SLCO3A1: variants seen among roughly 807,000 people sequenced by gnomAD.
SLCO3A1 encodes the protein PGE1 transporter.
A neutral mutation model predicts 63.1 loss-of-function variants in SLCO3A1; 27 were observed. That is an observed-to-expected ratio of 0.43 (90% CI 0.32 to 0.59). The LOEUF is 0.59. SLCO3A1 is among the 20% of genes least tolerant of loss of function. The pLI is 0.09. For missense variants in SLCO3A1, 773 were observed against 945.8 expected, an observed-to-expected ratio of 0.82 and a Z score of 2.40; for synonymous variants, 473 against 409.9, an observed-to-expected ratio of 1.15 and a Z score of -1.86.
At chr15:92,092,196 C>G (rs533324028) in intron 2 of SLCO3A1, among the ~76,000 whole-genome samples, 19 of 152,288 alleles carry the variant, frequency 1.2e-4, no homozygotes, top group African/African-American at 4.6e-4. Context: ...AGTCTCGATG[C>G]AACCCCTTCA....
chr15:91,979,157 T>G (rs1901235896), intron 2 of SLCO3A1, among the ~76,000 whole-genome samples: 1 of 152,230 alleles, frequency 6.6e-6, no homozygotes, highest in South Asian at 2.1e-4. Flanking sequence ...TTAGTACCCC[T>G]TAGCCCCAAA....
At chr15:92,007,411 G>A (rs1438524286) in intron 2 of SLCO3A1, among the ~76,000 whole-genome samples, 4 of 152,144 alleles carry the variant, frequency 2.6e-5, no homozygotes, top group Admixed American at 2.6e-4. Flanking sequence ...ACGTTGAATC[G>A]GGGAAGACTG....
At chr15:92,078,966 G>T (rs1361214064) in intron 2 of SLCO3A1, among the ~76,000 whole-genome samples, 1 of 152,124 alleles carries the variant, frequency 6.6e-6, no homozygotes, top group Admixed American at 6.5e-5. Flanking sequence ...TCGAGCTTGC[G>T]CCCTGTGAGA....
At chr15:92,027,759 A>C (rs1261438004) in intron 2 of SLCO3A1, among the ~76,000 whole-genome samples, 1 of 152,254 alleles carries the variant, frequency 6.6e-6, no homozygotes, top group Non-Finnish European at 1.5e-5. Flanking sequence ...AGCAGTTTGC[A>C]CAGGCTGGAG....
rs965456756 is a variant in SLCO3A1 at position 91,950,139 on chromosome 15, A to G, written c.646+33681A>G. ...GGTTTTTAGGAGAAAGGCAGATTGA[A>G]GCTGCCCCTGGGGAAGAAAGTTGTA... is the stretch of plus-strand genomic sequence containing the variant. On this transcript the variant is annotated intron_variant, in intron 2 of 9. Coordinates refer to ENST00000318445, the MANE Select transcript of SLCO3A1 (RefSeq NM_013272.4). The surrounding 1 kb of genome is among the most constrained non-coding windows in gnomAD (Gnocchi z 4.4). 2.6e-5 allele frequency among the ~76,000 whole-genome samples: 4 copies of G among 152,246 alleles called. No homozygotes were observed. Among genetic ancestry groups the G allele is most frequent in the Non-Finnish European group, 5.9e-5 (4 of 68,044 alleles).
chr15:91,895,521 C>T (rs1424288956), intron 1 of SLCO3A1, among the ~76,000 whole-genome samples: 4 of 152,140 alleles, frequency 2.6e-5, no homozygotes, highest in South Asian at 2.1e-4. Context: ...GTTTTATTGA[C>T]GCAGGACTTC....
intron 2 of SLCO3A1, among the ~76,000 whole-genome samples, chr15:92,074,473 T>C (rs2047252574): frequency 1.3e-5 from 2 of 152,218 alleles, no homozygotes; most frequent in South Asian, 4.1e-4. Flanking sequence ...TCTCCAGTTC[T>C]GGTCTCAGGT....
intron 6 of SLCO3A1, 139 bp from the exon 7 acceptor site, chr15:92,128,212 G>A: frequency 9.6e-7 from 1 of 1,041,336 alleles, no homozygotes; most frequent in Non-Finnish European, 1.4e-6. Flanking sequence ...AAAGGAAAAG[G>A]GAAGGGAGAA....
At chr15:92,107,845 G>A (rs999774787) in intron 4 of SLCO3A1, among the ~76,000 whole-genome samples, 4 of 152,214 alleles carry the variant, frequency 2.6e-5, no homozygotes, top group African/African-American at 7.2e-5. Context: ...TTAAAATCCA[G>A]CTCAGTCGCT....
At chr15:92,012,742 TAAAAAAAAAAA>T (rs33945478) in intron 2 of SLCO3A1, among the ~76,000 whole-genome samples, 2 of 126,694 alleles carry the variant, frequency 1.6e-5, no homozygotes, top group African/African-American at 2.9e-5. Context: ...GTCTCTAATT[TAAAAAAAAAAA>T]AAAAAAAAAA....
rs1555450190 is a variant in SLCO3A1 at position 91,926,601 on chromosome 15, G to GCA, written c.646+10144_646+10145insAC. 3.8e-4 allele frequency among the ~76,000 whole-genome samples: 57 copies of GCA among 148,098 alleles called. No individual in the cohort carries two copies. The East Asian group carries it at 9.4e-3, about 25-fold the overall frequency. ...TGTGTGTGTGTGTGTGTGTGTGCGC[G>GCA]CGCGCACGCCCATGCTTATTTTAAA... is the stretch of plus-strand genomic sequence containing the variant. On this transcript the variant is annotated intron_variant, in intron 2 of 9. Coordinates refer to ENST00000318445, the MANE Select transcript of SLCO3A1 (RefSeq NM_013272.4).
intron 2 of SLCO3A1, among the ~76,000 whole-genome samples, chr15:92,067,863 C>T (rs550184063): frequency 6.6e-6 from 1 of 152,216 alleles, no homozygotes; most frequent in Non-Finnish European, 1.5e-5. Context: ...GATCAAGACA[C>T]TTGCAGATTC....
In SLCO3A1 at chr15:91,926,596, T is replaced by TGTGTGTGTGTGTGTGCGC; in HGVS notation, c.646+10139_646+10140insTGTGTGTGTGTGTGCGCG. On this transcript the variant is annotated intron_variant, in intron 2 of 9. Transcript: ENST00000318445. The stretch of plus-strand genomic sequence containing the variant: ...GTGTGTGTGTGTGTGTGTGTGTGTG[T>TGTGTGTGTGTGTGTGCGC]GCGCGCGCGCACGCCCATGCTTATT... Among the ~76,000 whole-genome samples the TGTGTGTGTGTGTGTGCGC allele has an allele frequency of 9.5e-3, 997 of 105,260 alleles. 20 individuals carry two copies. Among genetic ancestry groups the TGTGTGTGTGTGTGTGCGC allele is most frequent in the African/African-American group, 0.03 (809 of 27,360 alleles). The allele number at this position is 105,260 out of a possible 152,430, so 69.1% of individuals were successfully genotyped here.
chr15:91,921,321 C>T (rs1898836450), intron 2 of SLCO3A1, among the ~76,000 whole-genome samples: 1 of 152,112 alleles, frequency 6.6e-6, no homozygotes, highest in African/African-American at 2.4e-5. Context: ...CCTTAATTGC[C>T]TCTTTAAAGG....
intron 9 of SLCO3A1, 55 bp from the exon 10 acceptor site, chr15:92,162,701 C>T: frequency 1.9e-6 from 3 of 1,551,956 alleles, no homozygotes; most frequent in South Asian, 2.5e-5. Flanking sequence ...GAGACAGGAA[C>T]AGGGGAGCAC....
intron 2 of SLCO3A1, among the ~76,000 whole-genome samples, chr15:92,058,634 T>C (rs1360380989): frequency 6.6e-6 from 1 of 152,162 alleles, no homozygotes; most frequent in East Asian, 1.9e-4. Context: ...CACATCACCA[T>C]AGTCCCCATC....
chr15:92,091,039 C>T (rs1230664290), intron 2 of SLCO3A1, among the ~76,000 whole-genome samples: 1 of 152,160 alleles, frequency 6.6e-6, no homozygotes, highest in Non-Finnish European at 1.5e-5. Context: ...CTGGACTTTT[C>T]CCTTAGGGGG....
chr15:92,141,765 C>T (rs925728460), intron 7 of SLCO3A1, among the ~76,000 whole-genome samples: 1 of 152,226 alleles, frequency 6.6e-6, no homozygotes, highest in Admixed American at 6.5e-5. Flanking sequence ...GAAGATCCCT[C>T]CTTAACAGCC....
At chr15:92,141,758 G>T (rs78456025) in intron 7 of SLCO3A1, among the ~76,000 whole-genome samples, 1,734 of 152,262 alleles carry the variant, frequency 0.011, 36 homozygotes, top group African/African-American at 0.038. Flanking sequence ...CTGAGTGGAA[G>T]ATCCCTCCTT....
Sources: allele counts gnomAD v4.1 joint callset (sites outside exome capture counted in the v4.1 genomes callset), GRCh38; gene constraint gnomAD v4.1.1; non-coding constraint Gnocchi (gnomAD v3.1); transcripts MANE v1.5; gene names NCBI Gene and HGNC (gene_info 2026-07-23, HGNC 2026-07-21).